The following FARS2 variants were observed in gnomAD, a reference collection of about 807,000 sequenced individuals.
FARS2 encodes phenylalanyl-tRNA synthetase 2, mitochondrial.
Under a neutral mutation model 46.4 loss-of-function variants are expected in FARS2, and 40 were observed. The ratio of observed to expected loss-of-function variants is 0.86; its 90% CI spans 0.67 to 1.12. The LOEUF (loss-of-function observed/expected upper bound fraction) is 1.12. Among genes scored for constraint, FARS2 ranks in the 50% most tolerant of loss-of-function variants. FARS2 has a pLI of 0.00. For synonymous variants in FARS2, 234 were observed against 214.9 expected, an observed-to-expected ratio of 1.09 and a Z score of -0.78; for missense variants, 513 against 567.9, an observed-to-expected ratio of 0.90 and a Z score of 0.98.
upstream of FARS2, chr6:5,260,756 C>A (rs1427835336): frequency 6.5e-7 from 1 of 1,540,992 alleles, no homozygotes; most frequent in African/African-American, 1.4e-5. Context: ...AAAAAATAAA[C>A]GGGTCCTCTT....
chr6:5,663,650 G>T (rs753849948), intron 6 of FARS2, among the ~76,000 whole-genome samples: 1 of 152,178 alleles, frequency 6.6e-6, no homozygotes, highest in African/African-American at 2.4e-5. Flanking sequence ...GACAAAAGTT[G>T]GTGTGGAAGA....
chr6:5,436,291 A>G (rs1763517902), intron 4 of FARS2, among the ~76,000 whole-genome samples: 1 of 152,232 alleles, frequency 6.6e-6, no homozygotes. Context: ...CTATATCAGC[A>G]TGAATCTATT....
At chr6:5,386,358 G>A (rs1057282828) in intron 2 of FARS2, among the ~76,000 whole-genome samples, 1 of 152,170 alleles carries the variant, frequency 6.6e-6, no homozygotes, top group African/African-American at 2.4e-5. Flanking sequence ...GCTTCATGAA[G>A]GGCCTGCTAT....
intron 2 of FARS2, among the ~76,000 whole-genome samples, chr6:5,382,924 C>A (rs1759881826): frequency 6.6e-6 from 1 of 152,212 alleles, no homozygotes; most frequent in African/African-American, 2.4e-5. Context: ...AGAGAGAATT[C>A]TTTCTTCCTC....
intron 4 of FARS2, among the ~76,000 whole-genome samples, chr6:5,540,418 T>C (rs572800816): frequency 6.6e-6 from 1 of 152,266 alleles, no homozygotes; most frequent in Non-Finnish European, 1.5e-5. Flanking sequence ...TAGTGCTTTT[T>C]TTCTTCTTCC....
chr6:5,500,683 G>A (rs184796263), intron 4 of FARS2, among the ~76,000 whole-genome samples: 6 of 152,282 alleles, frequency 3.9e-5, no homozygotes, highest in African/African-American at 1.4e-4. Flanking sequence ...AATTGCTAAG[G>A]GAGTCAGAGT....
intron 3 of FARS2, among the ~76,000 whole-genome samples, chr6:5,406,125 A>G (rs1761578104): frequency 1.3e-5 from 2 of 152,186 alleles, no homozygotes; most frequent in African/African-American, 4.8e-5. Flanking sequence ...TTTAAGAAAT[A>G]CTTACATTTC....
At position 5,294,181 on chromosome 6, in the gene FARS2, A is replaced by G. The variant is rs191766431; in HGVS notation, c.-22+32521A>G. 7.2e-5 allele frequency among the ~76,000 whole-genome samples: 11 copies of G among 152,224 alleles called. No individual in the cohort carries two copies. The East Asian group carries it at 1.9e-3, about 27-fold the overall frequency. ...TCAGTTCAGTTTAGCCACTTATTGT[A>G]TTTGGGGTCTTCTTGATGATTTAAT... On this transcript the variant is annotated intron_variant, in intron 1 of 6. Transcript: ENST00000274680.
chr6:5,259,216 C>A (rs1034465753), upstream of FARS2, among the ~76,000 whole-genome samples: 1 of 152,226 alleles, frequency 6.6e-6, no homozygotes, highest in Non-Finnish European at 1.5e-5. Flanking sequence ...GCTTTAATGA[C>A]AAACTATTTT....
chr6:5,604,881 G>T (rs957724469), intron 5 of FARS2, among the ~76,000 whole-genome samples: 3 of 152,144 alleles, frequency 2.0e-5, no homozygotes, highest in Admixed American at 1.3e-4. Context: ...TCCGGTCATT[G>T]AATGACTTTA....
chr6:5,294,785 C>T (rs1226912296), intron 1 of FARS2, among the ~76,000 whole-genome samples: 1 of 152,108 alleles, frequency 6.6e-6, no homozygotes, highest in East Asian at 1.9e-4. Flanking sequence ...GGTGTTCCAC[C>T]CTCCAGGGAC....
chr6:5,396,585 A>G (rs1182011121), intron 2 of FARS2, among the ~76,000 whole-genome samples: 1 of 152,234 alleles, frequency 6.6e-6, no homozygotes, highest in African/African-American at 2.4e-5. Flanking sequence ...GCTGGCTAAA[A>G]AAACCCCAAC....
At chr6:5,418,874 T>TTA (rs1762389663) in intron 3 of FARS2, among the ~76,000 whole-genome samples, 2 of 149,962 alleles carry the variant, frequency 1.3e-5, no homozygotes, top group Non-Finnish European at 3.0e-5. Context: ...TATTTGTCTT[T>TTA]TTATTATTAT....
intron 6 of FARS2, among the ~76,000 whole-genome samples, chr6:5,697,369 G>A (rs955492742): frequency 4.6e-5 from 7 of 152,128 alleles, no homozygotes; most frequent in African/African-American, 1.4e-4. Flanking sequence ...TTTGAAAAAC[G>A]CTCAGATTTC....
At chr6:5,632,057 C>T (rs990487039) in intron 6 of FARS2, among the ~76,000 whole-genome samples, 3 of 152,162 alleles carry the variant, frequency 2.0e-5, no homozygotes, top group Non-Finnish European at 1.5e-5. Context: ...TAATTTCAAA[C>T]TTTGTATTTG....
At chr6:5,424,876 G>T (rs1298252596) in intron 3 of FARS2, among the ~76,000 whole-genome samples, 1 of 152,240 alleles carries the variant, frequency 6.6e-6, no homozygotes, top group African/African-American at 2.4e-5. Context: ...AACAGAAGCA[G>T]AATAGATGGA....
At chr6:5,272,311 A>G (rs1766017514) in intron 1 of FARS2, 1 of 133,482 alleles carries the variant, frequency 7.5e-6, no homozygotes, top group Non-Finnish European at 1.5e-5. Flanking sequence ...GTATATTGTT[A>G]TAATTGTTCT....
At chr6:5,539,954 C>T (rs1235063501) in intron 4 of FARS2, among the ~76,000 whole-genome samples, 3 of 152,128 alleles carry the variant, frequency 2.0e-5, no homozygotes, top group Non-Finnish European at 4.4e-5. Context: ...CCACATCAGT[C>T]TGGAAAAGCA....
intron 1 of FARS2, among the ~76,000 whole-genome samples, chr6:5,263,366 C>T (rs936986292): frequency 6.6e-6 from 1 of 152,162 alleles, no homozygotes; most frequent in South Asian, 2.1e-4. Flanking sequence ...ATAGGCTTCC[C>T]AGTTAATTCT....
Sources: gnomAD v4.1 joint callset for allele counts (sites outside exome capture counted in the v4.1 genomes callset) on GRCh38, gnomAD v4.1.1 for gene constraint, MANE v1.5 for transcripts, NCBI Gene and HGNC (gene_info 2026-07-23, HGNC 2026-07-21) for gene names.